The following AKIRIN1 variants were observed in gnomAD, a reference collection of about 807,000 sequenced individuals.
The protein encoded by AKIRIN1 is akirin-1.
Under a neutral mutation model 25.9 loss-of-function variants are expected in AKIRIN1, and 4 were observed. The observed-to-expected ratio is 0.15, with a 90% CI of 0.08 to 0.35. The LOEUF (loss-of-function observed/expected upper bound fraction) is 0.35. AKIRIN1 is among the 10% of genes least tolerant of loss of function. The pLI, the probability that AKIRIN1 is intolerant of heterozygous loss-of-function variation, is 1.00. For synonymous variants in AKIRIN1, 125 were observed against 105.1 expected, an observed-to-expected ratio of 1.19 and a Z score of -1.16; for missense variants, 243 against 266.1, an observed-to-expected ratio of 0.91 and a Z score of 0.61.
rs144507104 is a variant in AKIRIN1, at chr1:39,004,401, GTA to G, written c.*350_*351del. The G allele has an allele frequency of 9.2e-6, 4 of 433,562 alleles. No homozygotes were observed. Among genetic ancestry groups the G allele is most frequent in the African/African-American group, 2.0e-5 (1 of 49,860 alleles). 26.9% of individuals were successfully genotyped at this position (433,562 alleles called of 1,614,324 possible). On this transcript the variant is annotated 3_prime_UTR_variant, in exon 5 of 5. Coordinates refer to ENST00000432648, the MANE Select transcript of AKIRIN1 (RefSeq NM_024595.3). ...GTAAGAAGTGCGTGTGAGAGTGTGT[GTA>G]TATGTGTGTATGTGTATTTTAAGTT...
chr1:39,000,781 C>A (rs1272299620), intron 2 of AKIRIN1, among the ~76,000 whole-genome samples, 191 bp from the exon 3 acceptor site: 1 of 151,938 alleles, frequency 6.6e-6, no homozygotes, highest in Non-Finnish European at 1.5e-5. Context: ...CTCAGCCTCC[C>A]GAGTAGCTGG....
chr1:39,004,071 C>G lies in AKIRIN1; in HGVS notation c.*16C>G. 1 of 1,611,144 alleles carries G rather than the reference C, an allele frequency of 6.2e-7. No homozygotes were observed. Among genetic ancestry groups the G allele is most frequent in the South Asian group, 1.1e-5 (1 of 91,008 alleles). ...TGTGTCATGAAGCTTTGTCACATAT[C>G]TGGGTACCAGGTTTGACCTCAAGAG... On this transcript the variant is annotated 3_prime_UTR_variant, in exon 5 of 5. Transcript: ENST00000432648.
At position 39,005,585 on chromosome 1, in the gene AKIRIN1, G is replaced by C. The variant is rs1644028438; in HGVS notation, c.*1530G>C. On this transcript the variant is annotated 3_prime_UTR_variant, in exon 5 of 5. Transcript: ENST00000432648. The stretch of plus-strand genomic sequence containing the variant: ...TCCTTCATTGTTTCTGGAAAGGAAA[G>C]TTCTATTAATATTGTTTTACTTTGA... 6.6e-6 allele frequency: 1 copy of C among 152,090 alleles called. No homozygotes were observed. Among genetic ancestry groups the C allele is most frequent in the African/African-American group, 2.4e-5 (1 of 41,426 alleles). The allele number at this position is 152,090 out of a possible 1,614,324, so 9.4% of individuals were successfully genotyped here.
intron 1 of AKIRIN1, among the ~76,000 whole-genome samples, chr1:38,992,465 T>A (rs1202623505): frequency 6.6e-6 from 1 of 152,210 alleles, no homozygotes; most frequent in South Asian, 2.1e-4. Context: ...GTCGTTTCTT[T>A]GTGTGTTTTT....
chr1:38,996,328 C>T (rs932856063), intron 1 of AKIRIN1, among the ~76,000 whole-genome samples: 1 of 151,964 alleles, frequency 6.6e-6, no homozygotes, highest in East Asian at 1.9e-4. Flanking sequence ...TCAGGTGATC[C>T]ACCTGCCTAG....
intron 3 of AKIRIN1, 33 bp downstream of exon 3, chr1:39,001,139 A>G (rs1175626874): frequency 1.3e-6 from 2 of 1,578,722 alleles, no homozygotes; most frequent in Non-Finnish European, 1.7e-6. Flanking sequence ...ATTGTCATTA[A>G]CAGGGTTCAG....
chr1:38,995,650 C>A (rs1025534508), intron 1 of AKIRIN1, among the ~76,000 whole-genome samples: 5 of 152,208 alleles, frequency 3.3e-5, no homozygotes, highest in Non-Finnish European at 5.9e-5. Context: ...CTTCTGTTCT[C>A]TTAAGCGTTG....
chr1:38,991,515 G>A lies in AKIRIN1; in HGVS notation c.135G>A (p.Pro45=). 3 of 1,452,946 alleles carry A rather than the reference G, an allele frequency of 2.1e-6. No individual in the cohort carries two copies. The highest frequency in any genetic ancestry group is 1.4e-5 in the South Asian group (1 of 73,738). The allele number at this position is 1,452,946 out of a possible 1,614,324, so 90.0% of individuals were successfully genotyped here. A position where few individuals can be genotyped will look rare whatever the true frequency, so the allele number is the denominator to read the frequency against. ...TPGLRPPDAE[P]PPPFQTQTPP... is the part of the protein sequence containing the mutation. ...GCCTCAGGCCCCCGGACGCCGAGCC[G>A]CCGCCGCCGTTTCAGACGCAGACCC... Residue 45 remains proline (P), a synonymous_variant, in exon 1 of 5, where the codon CCG becomes CCA. Coordinates refer to ENST00000432648, the MANE Select transcript of AKIRIN1 (RefSeq NM_024595.3).
In AKIRIN1 at chr1:38,998,239, C is replaced by G. The variant is rs746487361; in HGVS notation, c.289C>G (p.Leu97Val). 3 of 1,614,004 alleles carry G rather than the reference C, an allele frequency of 1.9e-6. No homozygotes were observed. The highest frequency in any genetic ancestry group is 3.3e-5 in the Admixed American group (2 of 59,994). The change falls in exon 2 of 5, where the codon CTT (leucine) becomes GTT (valine). Residue 97 changes from leucine to valine, a missense_variant. This residue lies in a region of AKIRIN1 where 190 missense variants were observed against 174.4 expected (regional missense o/e 1.09). Coordinates refer to ENST00000432648, the MANE Select transcript of AKIRIN1 (RefSeq NM_024595.3). ...GAGGTGGAGACATTTAGAAGTTGTTCTTAATCAGAGTGAAGCTTGTGCTTC... is the reference window on the plus strand; with the variant it reads ...GAGGTGGAGACATTTAGAAGTTGTTGTTAATCAGAGTGAAGCTTGTGCTTC... ...YQRWRHLEVV[L>V]NQSEACASES...
chr1:39,000,460 TTCTC>T (rs1382447757), intron 2 of AKIRIN1, among the ~76,000 whole-genome samples: 1 of 150,982 alleles, frequency 6.6e-6, no homozygotes, highest in African/African-American at 2.4e-5. Flanking sequence ...CGATTCTCCT[TTCTC>T]AGCCTCCCAA....
chr1:39,003,939 A>G (rs1298905059), intron 4 of AKIRIN1, 106 bp from the exon 5 acceptor site: 47 of 949,978 alleles, frequency 4.9e-5, no homozygotes, highest in Non-Finnish European at 6.5e-6. Context: ...GTGGTGAGTC[A>G]TCGTTCATGC....
In AKIRIN1 at chr1:39,004,227, C is replaced by A; in HGVS notation, c.*172C>A. 1 of 752,082 alleles carries A rather than the reference C, an allele frequency of 1.3e-6. No individual in the cohort carries two copies. The highest frequency in any genetic ancestry group is 2.4e-6 in the Non-Finnish European group (1 of 419,098). 46.6% of individuals were successfully genotyped at this position (752,082 alleles called of 1,614,324 possible). A position where few individuals can be genotyped will look rare whatever the true frequency, so the allele number is the denominator to read the frequency against. ...GAAAGACCGTAAAACTTTCTGGTTG[C>A]CACAAGCATATCTTTCTTTTCTGCT... On this transcript the variant is annotated 3_prime_UTR_variant, in exon 5 of 5. Coordinates refer to ENST00000432648, the MANE Select transcript of AKIRIN1 (RefSeq NM_024595.3).
chr1:39,005,217 A>T lies in AKIRIN1; in HGVS notation c.*1162A>T, dbSNP rs1340282827. 2.0e-5 allele frequency: 3 copies of T among 151,848 alleles called. No individual in the cohort carries two copies. Among genetic ancestry groups the T allele is most frequent in the African/African-American group, 7.3e-5 (3 of 41,326 alleles). The allele number at this position is 151,848 out of a possible 1,614,324, so 9.4% of individuals were successfully genotyped here. A position where few individuals can be genotyped will look rare whatever the true frequency, so the allele number is the denominator to read the frequency against. On this transcript the variant is annotated 3_prime_UTR_variant, in exon 5 of 5. Coordinates refer to ENST00000432648, the MANE Select transcript of AKIRIN1 (RefSeq NM_024595.3). ...CAGCTGCTTGGGAGGCTGAGGCAGG[A>T]GAATCACTTGAACCCTGGAGGTGGC... is the stretch of plus-strand genomic sequence containing the variant.
chr1:39,000,175 G>T (rs967371391), intron 2 of AKIRIN1, among the ~76,000 whole-genome samples: 2 of 151,182 alleles, frequency 1.3e-5, no homozygotes, highest in Non-Finnish European at 3.0e-5. Context: ...GAGCCACCAT[G>T]CCTGGCCAGG....
chr1:38,992,610 C>T (rs1457041126), intron 1 of AKIRIN1, among the ~76,000 whole-genome samples: 1 of 152,136 alleles, frequency 6.6e-6, no homozygotes, highest in Non-Finnish European at 1.5e-5. Flanking sequence ...TGCAGGCCCT[C>T]ATCCTCACAC....
chr1:38,993,610 C>T (rs191150439), intron 1 of AKIRIN1, among the ~76,000 whole-genome samples: 1 of 141,710 alleles, frequency 7.1e-6, no homozygotes, highest in Non-Finnish European at 1.5e-5. Context: ...CAGCCTGGGC[C>T]ACAAGAGCGA....
In AKIRIN1 at chr1:38,994,672, A is replaced by ATTTTTTTTTT. The variant is rs10528399; in HGVS notation, c.220+3097_220+3106dup. On this transcript the variant is annotated intron_variant, in intron 1 of 4. Transcript: ENST00000432648. ...AGGCATGTGTCACTACGCTCGGCTAATTTTTTTTTTTTTTTTTTTTTTTTT... is the reference window on the plus strand; with the variant it reads ...AGGCATGTGTCACTACGCTCGGCTAATTTTTTTTTTTTTTTTTTTTTTTTTTTTTTTTTTT... Among the ~76,000 whole-genome samples the ATTTTTTTTTT allele has an allele frequency of 1.5e-3, 94 of 63,548 alleles. 3 individuals carry two copies. Among genetic ancestry groups the ATTTTTTTTTT allele is most frequent in the Middle Eastern group, 0.013 (1 of 76 alleles). The allele number at this position is 63,548 out of a possible 152,430, so 41.7% of individuals were successfully genotyped here.
Position 38,991,541 on chromosome 1 carries a change from C to T in AKIRIN1, c.161C>T (p.Pro54Leu). The T allele has an allele frequency of 1.4e-6, 2 of 1,456,002 alleles. No individual in the cohort carries two copies. The highest frequency in any genetic ancestry group is 1.8e-6 in the Non-Finnish European group (2 of 1,108,728). The allele number at this position is 1,456,002 out of a possible 1,614,324, so 90.2% of individuals were successfully genotyped here. A position where few individuals can be genotyped will look rare whatever the true frequency, so the allele number is the denominator to read the frequency against. ...EPPPPFQTQT[P>L]PQSLQQPAPP... ...CCGCCGCCGTTTCAGACGCAGACCCCACCGCAGAGTCTGCAGCAGCCCGCC... is the reference window on the plus strand; with the variant it reads ...CCGCCGCCGTTTCAGACGCAGACCCTACCGCAGAGTCTGCAGCAGCCCGCC... Residue 54 changes from proline to leucine, a missense_variant, in exon 1 of 5, where the codon CCA becomes CTA. By Grantham distance (98) the Pro-to-Leu change is moderately conservative (BLOSUM62 -3). Around this residue, in one of 3 missense-constraint regions of AKIRIN1, gnomAD observed 190 missense variants for 174.4 expected, o/e 1.09. Coordinates refer to ENST00000432648, the MANE Select transcript of AKIRIN1 (RefSeq NM_024595.3).
rs1307970215 is a variant in AKIRIN1 at position 39,005,453 on chromosome 1, A to T, written c.*1398A>T. On this transcript the variant is annotated 3_prime_UTR_variant, in exon 5 of 5. Coordinates refer to ENST00000432648, the MANE Select transcript of AKIRIN1 (RefSeq NM_024595.3). Reference sequence around the variant, plus strand: ...TAGGCTGTTCTTCACCTTGTTTCCAAGGCTGAGGAACAGAAAGTAGCCTCT... The same window carrying T: ...TAGGCTGTTCTTCACCTTGTTTCCATGGCTGAGGAACAGAAAGTAGCCTCT... 6.6e-6 allele frequency: 1 copy of T among 152,146 alleles called. No individual in the cohort carries two copies. Among genetic ancestry groups the T allele is most frequent in the Non-Finnish European group, 1.5e-5 (1 of 68,028 alleles). The allele number at this position is 152,146 out of a possible 1,614,324, so 9.4% of individuals were successfully genotyped here. A position where few individuals can be genotyped will look rare whatever the true frequency, so the allele number is the denominator to read the frequency against.
Sources: allele counts gnomAD v4.1 joint callset (sites outside exome capture counted in the v4.1 genomes callset), GRCh38; gene constraint gnomAD v4.1.1; regional missense constraint gnomAD v4.1.1; transcripts MANE v1.5; gene names NCBI Gene and HGNC (gene_info 2026-07-23, HGNC 2026-07-21).